PPP1R9A: variants seen among roughly 807,000 people sequenced by gnomAD.
PPP1R9A encodes protein phosphatase 1 regulatory subunit 9A, also known as neurabin-1.
Under a neutral mutation model 141.9 loss-of-function variants are expected in PPP1R9A, and 59 were observed. The observed-to-expected ratio is 0.42, with a 90% CI of 0.34 to 0.52. The LOEUF is 0.52. Among genes scored for constraint, PPP1R9A ranks in the 20% least tolerant of loss-of-function variants. The pLI is 0.10. For synonymous variants in PPP1R9A, 500 were observed against 569.7 expected (o/e 0.88, Z 1.74); for missense variants, 1,444 against 1,611.9 (o/e 0.90, Z 1.78).
intron 4 of PPP1R9A, among the ~76,000 whole-genome samples, chr7:95,152,242 G>A (rs992663976): frequency 2.6e-5 from 4 of 152,030 alleles, no homozygotes; most frequent in African/African-American, 7.2e-5. Context: ...GAGCCACTGC[G>A]CCTGGCCTGA....
At chr7:95,089,853 T>G (rs1817101998) in intron 2 of PPP1R9A, among the ~76,000 whole-genome samples, 1 of 151,954 alleles carries the variant, frequency 6.6e-6, no homozygotes. Context: ...TGTTGTCATA[T>G]GACAGATTAT....
At chr7:95,089,909 A>G (rs1817110687) in intron 2 of PPP1R9A, among the ~76,000 whole-genome samples, 1 of 152,000 alleles carries the variant, frequency 6.6e-6, no homozygotes, top group African/African-American at 2.4e-5. Flanking sequence ...AACTAAGCTC[A>G]GGAAATTTCA....
At chr7:95,163,429 T>A (rs73431033) in intron 5 of PPP1R9A, among the ~76,000 whole-genome samples, 10,612 of 152,242 alleles carry the variant, frequency 0.07, 1,015 homozygotes, top group African/African-American at 0.21. Flanking sequence ...AAAAAGAAAT[T>A]GACCTTATTC....
rs568707973 is a variant in PPP1R9A, at chr7:95,076,412, C to CAAT, written c.1396-34847_1396-34846insAAT. Among the ~76,000 whole-genome samples, 985 of 152,130 alleles carry CAAT rather than the reference C, an allele frequency of 6.5e-3. 10 individuals are homozygous for CAAT. Among genetic ancestry groups the CAAT allele is most frequent in the African/African-American group, 0.023 (938 of 41,494 alleles). ...CTAATACCATTTATTGTATAATCCACCTTCTCTTCATTATTTTGACATATT... is the reference window on the plus strand; with the variant it reads ...CTAATACCATTTATTGTATAATCCACAATCTTCTCTTCATTATTTTGACATATT... On this transcript the variant is annotated intron_variant, in intron 2 of 19. Transcript: ENST00000433360.
At chr7:95,108,320 T>C (rs1819920213) in intron 2 of PPP1R9A, among the ~76,000 whole-genome samples, 1 of 126,916 alleles carries the variant, frequency 7.9e-6, no homozygotes, top group East Asian at 2.1e-4. Context: ...TTTTTTTTTT[T>C]TTTTTTTTTT....
intron 12 of PPP1R9A, among the ~76,000 whole-genome samples, chr7:95,260,061 A>G (rs1042217332): frequency 3.9e-5 from 6 of 152,202 alleles, no homozygotes; most frequent in Non-Finnish European, 7.3e-5. Context: ...TTCCTGGTAA[A>G]TCACTATGGG....
At chr7:95,188,166 C>T (rs1234593074) in intron 5 of PPP1R9A, among the ~76,000 whole-genome samples, 3 of 151,942 alleles carry the variant, frequency 2.0e-5, no homozygotes, top group African/African-American at 4.8e-5. Context: ...AGGAGTGCTG[C>T]GTTAGGTACA....
chr7:94,981,927 A>G (rs1427376736), intron 2 of PPP1R9A, among the ~76,000 whole-genome samples: 1 of 151,820 alleles, frequency 6.6e-6, no homozygotes, highest in African/African-American at 2.4e-5. Flanking sequence ...CGCACCCATT[A>G]ACTCATCATT....
intron 2 of PPP1R9A, among the ~76,000 whole-genome samples, chr7:95,040,521 A>ATACAG (rs1563155616): frequency 6.6e-6 from 1 of 152,054 alleles, no homozygotes; most frequent in Non-Finnish European, 1.5e-5. Flanking sequence ...AATAATAATA[A>ATACAG]TACAGGATGT....
chr7:94,908,827 T>A (rs1791121026), intron 1 of PPP1R9A, among the ~76,000 whole-genome samples: 1 of 152,208 alleles, frequency 6.6e-6, no homozygotes, highest in Admixed American at 6.5e-5. Flanking sequence ...AAAGCCTTTC[T>A]TGTTTGTCTG....
At chr7:95,107,633 G>A (rs1819737293) in intron 2 of PPP1R9A, among the ~76,000 whole-genome samples, 1 of 151,986 alleles carries the variant, frequency 6.6e-6, no homozygotes, top group African/African-American at 2.4e-5. Context: ...GAAAAGGAGT[G>A]GAACAGAATA....
At chr7:95,243,271 T>G (rs907482680) in intron 8 of PPP1R9A, among the ~76,000 whole-genome samples, 1 of 152,142 alleles carries the variant, frequency 6.6e-6, no homozygotes, top group Non-Finnish European at 1.5e-5. Flanking sequence ...CACAGGGTGA[T>G]CTGGAGAATT....
intron 2 of PPP1R9A, among the ~76,000 whole-genome samples, chr7:94,979,863 G>T (rs891870895): frequency 3.9e-5 from 6 of 152,158 alleles, no homozygotes; most frequent in Non-Finnish European, 7.4e-5. Flanking sequence ...AAGAGAAAAA[G>T]AATGGTTGAG....
chr7:95,096,443 C>T (rs1818032066), intron 2 of PPP1R9A, among the ~76,000 whole-genome samples: 1 of 152,162 alleles, frequency 6.6e-6, no homozygotes, highest in South Asian at 2.1e-4. Context: ...TGGCCCCCCT[C>T]ACCAGGATCA....
At chr7:94,937,929 C>T (rs1414015888) in intron 2 of PPP1R9A, among the ~76,000 whole-genome samples, 3 of 152,216 alleles carry the variant, frequency 2.0e-5, no homozygotes, top group East Asian at 1.9e-4. Context: ...GGTACAGGTA[C>T]GTACTTGTGA....
chr7:95,104,046 G>A (rs1819176532), intron 2 of PPP1R9A, among the ~76,000 whole-genome samples: 1 of 151,642 alleles, frequency 6.6e-6, no homozygotes, highest in South Asian at 2.1e-4. Context: ...CCTGCACCCA[G>A]ATATTGGTAC....
intron 16 of PPP1R9A, 83 bp from the exon 17 acceptor site, chr7:95,283,935 A>C: frequency 8.3e-7 from 1 of 1,211,170 alleles, no homozygotes; most frequent in African/African-American, 1.5e-5. Flanking sequence ...TGTTACTTCA[A>C]ACTATATTCA....
At chr7:95,103,618 T>C (rs1391043772) in intron 2 of PPP1R9A, among the ~76,000 whole-genome samples, 2 of 152,172 alleles carry the variant, frequency 1.3e-5, no homozygotes, top group Non-Finnish European at 2.9e-5. Flanking sequence ...TCCGCCTGCC[T>C]CGGCCTCCCA....
intron 2 of PPP1R9A, among the ~76,000 whole-genome samples, chr7:94,945,116 A>G (rs1229719749): frequency 1.3e-5 from 2 of 152,072 alleles, no homozygotes; most frequent in African/African-American, 4.8e-5. Flanking sequence ...ATGCCTGTAT[A>G]TATGATATAT....
Sources: gnomAD v4.1 joint callset for allele counts (sites outside exome capture counted in the v4.1 genomes callset) on GRCh38, gnomAD v4.1.1 for gene constraint, MANE v1.5 for transcripts, NCBI Gene and HGNC (gene_info 2026-07-23, HGNC 2026-07-21) for gene names.